Variants in DKK3 observed in about 807,000 individuals in gnomAD.
DKK3 encodes the protein dickkopf-related protein 3.
In DKK3, 22 loss-of-function variants were observed where a neutral mutation model predicts 33.2. That is an observed-to-expected ratio of 0.66 (90% CI 0.47 to 0.95). DKK3 has a LOEUF of 0.95. Ranked by LOEUF, DKK3 falls within the 40% of genes least tolerant of loss-of-function variation. The pLI, the probability that DKK3 is intolerant of heterozygous loss-of-function variation, is 0.00. For missense variants in DKK3, 398 were observed against 458.4 expected, an observed-to-expected ratio of 0.87 and a Z score of 1.20; for synonymous variants, 194 against 188.8, an observed-to-expected ratio of 1.03 and a Z score of -0.23.
In DKK3 at chr11:12,008,620, G is replaced by A; in HGVS notation, c.-38C>T. 2 of 1,356,254 alleles carry A rather than the reference G, an allele frequency of 1.5e-6. No individual in the cohort carries two copies. The highest frequency in any genetic ancestry group is 1.9e-5 in the South Asian group (1 of 53,648). The allele number at this position is 1,356,254 out of a possible 1,614,324, so 84.0% of individuals were successfully genotyped here. On this transcript the variant is annotated 5_prime_UTR_variant, in exon 1 of 7. Coordinates refer to ENST00000683431, the MANE Select transcript of DKK3 (RefSeq NM_001018057.2). The surrounding 1 kb of genome is among the most constrained non-coding windows in gnomAD (Gnocchi z 4.6). Reference sequence around the variant, plus strand: ...CCCGCAGCCGCCGCCTGTGTGTCCCGGAACGCGATCAGAGGCGCGCGGACC... The same window carrying A: ...CCCGCAGCCGCCGCCTGTGTGTCCCAGAACGCGATCAGAGGCGCGCGGACC...
chr11:11,965,257 TG>T (rs1192052002), intron 6 of DKK3, among the ~76,000 whole-genome samples: 1 of 152,168 alleles, frequency 6.6e-6, no homozygotes, highest in Non-Finnish European at 1.5e-5. Context: ...CACAGAGCCG[TG>T]GGGAATGGGA....
intron 2 of DKK3, among the ~76,000 whole-genome samples, chr11:12,000,906 C>G (rs1188095225): frequency 6.6e-6 from 1 of 152,188 alleles, no homozygotes; most frequent in Non-Finnish European, 1.5e-5. Flanking sequence ...ATAATAAGAA[C>G]AGTGGTTTTT....
intron 3 of DKK3, among the ~76,000 whole-genome samples, chr11:11,983,977 T>C (rs1048587709): frequency 2.0e-5 from 3 of 152,062 alleles, no homozygotes; most frequent in African/African-American, 7.2e-5. Flanking sequence ...TCTACAATGG[T>C]GGGGATGTCA....
intron 2 of DKK3, among the ~76,000 whole-genome samples, chr11:12,000,677 A>T (rs976572433): frequency 6.3e-5 from 9 of 142,016 alleles, no homozygotes; most frequent in Non-Finnish European, 1.4e-4. Context: ...GCTAAGGCTA[A>T]TTTTTTTTTT....
upstream of DKK3, chr11:12,008,654 C>G: frequency 1.6e-6 from 2 of 1,267,238 alleles, no homozygotes; most frequent in Non-Finnish European, 2.0e-6. This position sits in a 1 kb window ranked among gnomAD's most constrained non-coding sequence, Gnocchi z 4.6. Context: ...CCACCCCCCT[C>G]GCTGGGCCCG....
chr11:11,990,491 G>C (rs1242782611), intron 3 of DKK3, among the ~76,000 whole-genome samples: 1 of 152,258 alleles, frequency 6.6e-6, no homozygotes, highest in East Asian at 1.9e-4. Context: ...ACGAATGTCT[G>C]TCTTCCAAAC....
At chr11:11,967,246 G>T in intron 4 of DKK3, 148 bp from the exon 5 acceptor site, 1 of 1,053,606 alleles carries the variant, frequency 9.5e-7, no homozygotes, top group African/African-American at 1.6e-5. Flanking sequence ...GTGAAAGTCA[G>T]TGGGACAGAG....
chr11:11,979,902 G>A (rs933233856), intron 3 of DKK3: 1 of 152,390 alleles, frequency 6.6e-6, no homozygotes, highest in African/African-American at 2.4e-5. Flanking sequence ...ATAATCGGAG[G>A]AGACAGCCTG....
rs759989163 is a variant in DKK3 at position 11,965,949 on chromosome 11, C to T, written c.690G>A (p.Val230=). The T allele has an allele frequency of 1.2e-6, 2 of 1,612,860 alleles. No homozygotes were observed. The highest frequency in any genetic ancestry group is 1.1e-5 in the South Asian group (1 of 91,020). Residue 230 remains valine, a synonymous_variant, in exon 6 of 7, where the codon GTG becomes GTA. Coordinates refer to ENST00000683431, the MANE Select transcript of DKK3 (RefSeq NM_001018057.2). The stretch of plus-strand genomic sequence containing the variant: ...CGCCCTCCACGGGCAGGGGTGTGCA[C>T]ACAGGGAACAGCAGGCCTGGAACCA... ...CAFQRGLLFP[V]CTPLPVEGEL...
intron 1 of DKK3, among the ~76,000 whole-genome samples, chr11:12,005,323 G>A (rs1264790350): frequency 6.6e-6 from 1 of 152,198 alleles, no homozygotes; most frequent in African/African-American, 2.4e-5. Context: ...ATTGCCACTA[G>A]CAAGAGAAAC....
chr11:12,008,164 T>A lies in DKK3; in HGVS notation c.213+206A>T, dbSNP rs763734556. Among the ~76,000 whole-genome samples the A allele has an allele frequency of 1.3e-5, 2 of 151,896 alleles. No individual in the cohort carries two copies. The highest frequency in any genetic ancestry group is 2.9e-5 in the Non-Finnish European group (2 of 67,958). On this transcript the variant is annotated intron_variant, in intron 1 of 6. Coordinates refer to ENST00000683431, the MANE Select transcript of DKK3 (RefSeq NM_001018057.2). The surrounding 1 kb of genome is among the most constrained non-coding windows in gnomAD (Gnocchi z 4.6). Reference sequence around the variant, plus strand: ...GAGCCTCTCGGTGGACAGGCTCAGATCCAGACTTTTTGGCAAGGAGGCAAA... The same window carrying A: ...GAGCCTCTCGGTGGACAGGCTCAGAACCAGACTTTTTGGCAAGGAGGCAAA...
intron 3 of DKK3, among the ~76,000 whole-genome samples, chr11:11,996,366 T>G (rs1475181601): frequency 2.0e-5 from 3 of 152,196 alleles, no homozygotes; most frequent in Non-Finnish European, 4.4e-5. Flanking sequence ...CTAGGTCAAC[T>G]GTGCCCAGGA....
intron 3 of DKK3, among the ~76,000 whole-genome samples, chr11:11,986,790 C>T (rs189226037): frequency 2.7e-4 from 41 of 152,256 alleles, no homozygotes; most frequent in African/African-American, 9.6e-4. Context: ...CTCCAGTGCC[C>T]TCATCTATAA....
chr11:12,002,485 A>T (rs370066726), intron 1 of DKK3, 48 bp from the exon 2 acceptor site: 1 of 1,584,826 alleles, frequency 6.3e-7, no homozygotes, highest in African/African-American at 1.5e-5. Context: ...CTCTTGTTAC[A>T]AATGGGAGTC....
chr11:11,977,382 C>T (rs1847856628), intron 3 of DKK3, among the ~76,000 whole-genome samples: 1 of 152,126 alleles, frequency 6.6e-6, no homozygotes, highest in East Asian at 1.9e-4. Flanking sequence ...TTCCTTCCTC[C>T]AGGAATCTTG....
rs536136121 is a variant in DKK3, at chr11:11,969,410, G to A, written c.436-923C>T. Among the ~76,000 whole-genome samples, 4 of 152,290 alleles carry A rather than the reference G, an allele frequency of 2.6e-5. No individual in the cohort carries two copies. The South Asian group carries it at 8.3e-4, about 32-fold the overall frequency. ...TGATCTTGTTCAGTGACTCCTCCCA[G>A]CAGGAGGCAGGTAGGGACTGCCTTC... On this transcript the variant is annotated intron_variant, in intron 3 of 6. Transcript: ENST00000683431.
chr11:12,001,868 C>T lies in DKK3; in HGVS notation c.351+432G>A, dbSNP rs76165734. Reference sequence around the variant, plus strand: ...TTGGAAATGGGGTATATCATATTTACATTCCTCCTAAAAAAAAGTGAGGGT... The same window carrying T: ...TTGGAAATGGGGTATATCATATTTATATTCCTCCTAAAAAAAAGTGAGGGT... On this transcript the variant is annotated intron_variant, in intron 2 of 6. Transcript: ENST00000683431. 159 of 153,598 alleles carry T rather than the reference C, an allele frequency of 1.0e-3. 5 individuals carry two copies. The East Asian group carries it at 0.027, about 27-fold the overall frequency. 9.5% of individuals were successfully genotyped at this position (153,598 alleles called of 1,614,324 possible).
At chr11:11,997,227 T>G (rs576450844) in intron 3 of DKK3, among the ~76,000 whole-genome samples, 125 of 149,880 alleles carry the variant, frequency 8.3e-4, no homozygotes, top group Middle Eastern at 6.9e-3. Context: ...ATAGATTAAG[T>G]TTTTTTTTTG....
intron 3 of DKK3, among the ~76,000 whole-genome samples, chr11:11,979,263 AGCTGCTGCTGTATCT>A (rs1449238619): frequency 6.6e-6 from 1 of 152,224 alleles, no homozygotes; most frequent in Non-Finnish European, 1.5e-5. Flanking sequence ...GCCCCCTGAC[AGCTGCTGCTGTATCT>A]GCTCAGGGCC....
Sources: gnomAD v4.1 joint callset for allele counts (sites outside exome capture counted in the v4.1 genomes callset) on GRCh38, gnomAD v4.1.1 for gene constraint, Gnocchi (gnomAD v3.1) non-coding constraint, MANE v1.5 for transcripts, NCBI Gene and HGNC (gene_info 2026-07-23, HGNC 2026-07-21) for gene names.